The following LOXHD1 variants were observed in gnomAD, a reference collection of about 807,000 sequenced individuals.
The protein encoded by LOXHD1 is lipoxygenase homology PLAT domains 1, also known as lipoxygenase homology domain-containing protein 1.
Under a neutral mutation model 248.2 loss-of-function variants are expected in LOXHD1, and 205 were observed. The observed-to-expected ratio is 0.83, with a 90% CI of 0.74 to 0.93. The LOEUF is 0.93. Among genes scored for constraint, LOXHD1 ranks in the 40% least tolerant of loss-of-function variants. The probability of loss-of-function intolerance (pLI) is 0.00; values close to 1 mark genes in which losing one functional copy is unlikely to be tolerated. For synonymous variants in LOXHD1, 1,113 were observed against 1,162.8 expected (o/e 0.96, Z 0.87); for missense variants, 2,930 against 2,971.6 (o/e 0.99, Z 0.33).
chr18:46,481,022 G>T (rs534944332), intron 40 of LOXHD1, among the ~76,000 whole-genome samples: 1 of 152,220 alleles, frequency 6.6e-6, no homozygotes, highest in South Asian at 2.1e-4. Flanking sequence ...CACTGCAAAA[G>T]AGGGATCAGA....
intron 3 of LOXHD1, among the ~76,000 whole-genome samples, chr18:46,640,456 C>G (rs2038949231): frequency 6.6e-6 from 1 of 152,148 alleles, no homozygotes; most frequent in South Asian, 2.1e-4. Flanking sequence ...CCAGGGTGGT[C>G]CCATAGACAT....
At chr18:46,505,763 C>G in intron 37 of LOXHD1, 75 bp downstream of exon 37, 1 of 1,479,368 alleles carries the variant, frequency 6.8e-7, no homozygotes, top group South Asian at 1.2e-5. Flanking sequence ...CAATGTGCTG[C>G]CAGGGAGGGA....
Position 46,601,303 on chromosome 18 carries a change from C to G in LOXHD1, c.1048G>C (p.Glu350Gln), listed in dbSNP as rs1208866918. 2.6e-6 allele frequency: 4 copies of G among 1,551,706 alleles called. No homozygotes were observed. The highest frequency in any genetic ancestry group is 3.5e-6 in the Non-Finnish European group (4 of 1,147,004). The change falls in exon 8 of 41, where the codon GAG becomes CAG. Residue 350 changes from glutamate (E) to glutamine (Q), a missense_variant. Transcript: ENST00000642948. The stretch of plus-strand genomic sequence containing the variant: ...AGGGGGCTAAGGAGGACAGCCAGCT[C>G]GATGTGGAAGATGTCCGTGCGGCCT... ...DRGRTDIFHI[E>Q]LAVLLSPLSR...
At position 46,597,542 on chromosome 18, in the gene LOXHD1, G is replaced by GCACACACACA. The variant is rs1491182198; in HGVS notation, c.1135-3077_1135-3076insTGTGTGTGTG. On this transcript the variant is annotated intron_variant, in intron 8 of 40. Coordinates refer to ENST00000642948, the MANE Select transcript of LOXHD1 (RefSeq NM_001384474.1). ...GGTATATATTTCAATAGTGGTACAT[G>GCACACACACA]CGCACACACACACACACACACACAC... is the stretch of plus-strand genomic sequence containing the variant. 2.7e-3 allele frequency among the ~76,000 whole-genome samples: 164 copies of GCACACACACA among 61,130 alleles called. 1 individual carries two copies. Among genetic ancestry groups the GCACACACACA allele is most frequent in the African/African-American group, 5.1e-3 (152 of 29,730 alleles). 40.1% of individuals were successfully genotyped at this position (61,130 alleles called of 152,430 possible).
At chr18:46,483,768 C>T in intron 39 of LOXHD1, 23 bp from the exon 40 acceptor site, 3 of 1,547,082 alleles carry the variant, frequency 1.9e-6, no homozygotes, top group Non-Finnish European at 2.6e-6. Flanking sequence ...AAAGTGTGGT[C>T]CATGAGCTGC....
At chr18:46,630,259 C>G (rs963607497) in intron 4 of LOXHD1, among the ~76,000 whole-genome samples, 2 of 152,246 alleles carry the variant, frequency 1.3e-5, no homozygotes, top group African/African-American at 4.8e-5. Context: ...GCTTCAGAGG[C>G]CTGTCTCATG....
chr18:46,495,963 C>T (rs1446229294), intron 37 of LOXHD1, among the ~76,000 whole-genome samples: 3 of 152,172 alleles, frequency 2.0e-5, no homozygotes, highest in East Asian at 1.9e-4. Context: ...ACCTGGGAGG[C>T]GGAGGTTGCA....
chr18:46,657,203 G>T lies in LOXHD1; in HGVS notation c.-170C>A. The T allele has an allele frequency of 9.4e-7, 1 of 1,066,726 alleles. No homozygotes were observed. The highest frequency in any genetic ancestry group is 1.3e-6 in the Non-Finnish European group (1 of 751,952). 66.1% of individuals were successfully genotyped at this position (1,066,726 alleles called of 1,614,324 possible). ...TTGGCTTCCCCGTGCCCAAGGTGCT[G>T]TTCCCTCTGCCTTCTCTGGCTCCTG... On this transcript the variant is annotated 5_prime_UTR_variant, in exon 1 of 41. Coordinates refer to ENST00000642948, the MANE Select transcript of LOXHD1 (RefSeq NM_001384474.1).
intron 13 of LOXHD1, among the ~76,000 whole-genome samples, chr18:46,579,213 C>T (rs1228660850): frequency 2.0e-5 from 3 of 152,204 alleles, no homozygotes; most frequent in South Asian, 2.1e-4. Flanking sequence ...CCACAGTGCC[C>T]GGCATCTTTC....
chr18:46,513,682 C>T (rs2035096388), intron 34 of LOXHD1, among the ~76,000 whole-genome samples: 1 of 152,208 alleles, frequency 6.6e-6, no homozygotes, highest in Non-Finnish European at 1.5e-5. Flanking sequence ...GTGCTGACAC[C>T]TTGATTTCCA....
intron 2 of LOXHD1, among the ~76,000 whole-genome samples, chr18:46,643,424 G>T (rs1391799484): frequency 6.6e-6 from 1 of 152,188 alleles, no homozygotes; most frequent in Admixed American, 6.5e-5. Context: ...CTGATGAAGA[G>T]CAAGGAAAAT....
At chr18:46,651,817 T>C (rs1828732558) in intron 1 of LOXHD1, among the ~76,000 whole-genome samples, 1 of 152,134 alleles carries the variant, frequency 6.6e-6, no homozygotes, top group African/African-American at 2.4e-5. Flanking sequence ...AACCACACTA[T>C]TTTTTCAATG....
Position 46,524,518 on chromosome 18 carries a change from G to A in LOXHD1, c.4824C>T (p.Val1608=), listed in dbSNP as rs114557260. 21 of 1,551,682 alleles carry A rather than the reference G, an allele frequency of 1.4e-5. No individual in the cohort carries two copies. The highest frequency in any genetic ancestry group is 3.3e-4 in the Middle Eastern group (2 of 5,992). The change falls in exon 31 of 41, where the codon GTC becomes GTT. Residue 1608 remains valine (V), a synonymous_variant. Coordinates refer to ENST00000642948, the MANE Select transcript of LOXHD1 (RefSeq NM_001384474.1). ...EIALSSKMAD[V]DISTVTGPMA... The stretch of plus-strand genomic sequence containing the variant: ...TGGGCCCGGTCACTGTGCTGATGTC[G>A]ACATCGGCCATCTTGGAGCTCAGGG...
At chr18:46,594,302 C>T in intron 9 of LOXHD1, 29 bp downstream of exon 9, 2 of 1,551,086 alleles carry the variant, frequency 1.3e-6, no homozygotes, top group South Asian at 2.4e-5. Context: ...GGCTGAGAGG[C>T]CTCCAGGTTC....
At chr18:46,610,126 G>A (rs936393027) in intron 6 of LOXHD1, among the ~76,000 whole-genome samples, 1 of 152,252 alleles carries the variant, frequency 6.6e-6, no homozygotes, top group African/African-American at 2.4e-5. Flanking sequence ...GGAGGGAGAG[G>A]TTCTGGTGGG....
chr18:46,630,432 G>A (rs1051902761), intron 4 of LOXHD1, among the ~76,000 whole-genome samples: 6 of 152,218 alleles, frequency 3.9e-5, no homozygotes, highest in Non-Finnish European at 7.3e-5. Context: ...CATATTGGTC[G>A]TGAGAAGGCC....
At chr18:46,556,210 C>A (rs1354637950) in intron 21 of LOXHD1, among the ~76,000 whole-genome samples, 1 of 151,932 alleles carries the variant, frequency 6.6e-6, no homozygotes, top group East Asian at 1.9e-4. Flanking sequence ...TTCCAGAGAC[C>A]AAATGCTTGC....
In LOXHD1 at chr18:46,477,361, G is replaced by A. The variant is rs1442615102; in HGVS notation, c.*111C>T. On this transcript the variant is annotated 3_prime_UTR_variant, in exon 41 of 41. Coordinates refer to ENST00000642948, the MANE Select transcript of LOXHD1 (RefSeq NM_001384474.1). ...GACCCCATGAAGTTCTCAGTGGACT[G>A]CTAGCCCCCAGTGCCAATGCTAGAG... 5.5e-6 allele frequency: 8 copies of A among 1,444,958 alleles called. No homozygotes were observed. The highest frequency in any genetic ancestry group is 7.6e-6 in the Non-Finnish European group (8 of 1,058,270). The allele number at this position is 1,444,958 out of a possible 1,614,324, so 89.5% of individuals were successfully genotyped here.
At chr18:46,654,233 C>A (rs953604231) in intron 1 of LOXHD1, among the ~76,000 whole-genome samples, 3 of 152,228 alleles carry the variant, frequency 2.0e-5, no homozygotes, top group Non-Finnish European at 4.4e-5. Flanking sequence ...AAAATATGTT[C>A]TTTATAAATC....
Sources: allele counts gnomAD v4.1 joint callset (sites outside exome capture counted in the v4.1 genomes callset), GRCh38; gene constraint gnomAD v4.1.1; transcripts MANE v1.5; gene names NCBI Gene and HGNC (gene_info 2026-07-23, HGNC 2026-07-21).